Variants in DCBLD2 observed in about 807,000 individuals in gnomAD.
DCBLD2 encodes discoidin, CUB and LCCL domain containing 2, also known as discoidin, CUB and LCCL domain-containing protein 2.
Under a neutral mutation model 86.8 loss-of-function variants are expected in DCBLD2, and 54 were observed. The ratio of observed to expected loss-of-function variants is 0.62; its 90% CI spans 0.50 to 0.78. DCBLD2 has a LOEUF of 0.78. Among genes scored for constraint, DCBLD2 ranks in the 30% least tolerant of loss-of-function variants. The pLI is 0.00. For missense variants in DCBLD2, 908 were observed against 954.2 expected, an observed-to-expected ratio of 0.95 and a Z score of 0.64; for synonymous variants, 354 against 341.3, an observed-to-expected ratio of 1.04 and a Z score of -0.41.
intron 9 of DCBLD2, 87 bp from the exon 10 acceptor site, chr3:98,812,569 C>T: frequency 3.3e-6 from 4 of 1,197,286 alleles, no homozygotes; most frequent in Non-Finnish European, 4.6e-6. Context: ...TTGTTCTTTG[C>T]TCTAGGCCTT....
At chr3:98,848,436 T>C (rs1218227311) in intron 3 of DCBLD2, among the ~76,000 whole-genome samples, 1 of 152,230 alleles carries the variant, frequency 6.6e-6, no homozygotes, top group Non-Finnish European at 1.5e-5. Context: ...AACATACACA[T>C]GCTTATGTCT....
In DCBLD2 at chr3:98,796,893, A is replaced by T. The variant is rs983400187; in HGVS notation, c.*2479T>A. 1 of 152,606 alleles carries T rather than the reference A, an allele frequency of 6.6e-6. No individual in the cohort carries two copies. The highest frequency in any genetic ancestry group is 1.5e-5 in the Non-Finnish European group (1 of 68,024). The allele number at this position is 152,606 out of a possible 1,614,324, so 9.5% of individuals were successfully genotyped here. On this transcript the variant is annotated 3_prime_UTR_variant, in exon 16 of 16. Transcript: ENST00000326840. ...CATTAACAGGAAAAAACTTAATCCA[A>T]TATACCAGTGACTTTGAGTCTTAAA...
At chr3:98,852,729 G>A (rs1942862853) in intron 2 of DCBLD2, among the ~76,000 whole-genome samples, 1 of 152,202 alleles carries the variant, frequency 6.6e-6, no homozygotes, top group Non-Finnish European at 1.5e-5. Context: ...CAGGTGGCCT[G>A]GAAGAATGCA....
At chr3:98,882,774 G>A (rs1287458272) in intron 1 of DCBLD2, among the ~76,000 whole-genome samples, 1 of 152,164 alleles carries the variant, frequency 6.6e-6, no homozygotes, top group African/African-American at 2.4e-5. Context: ...TGGCTGCATA[G>A]TATTCCATGG....
chr3:98,835,938 CTTT>C (rs66958811), intron 3 of DCBLD2, among the ~76,000 whole-genome samples: 4 of 115,074 alleles, frequency 3.5e-5, no homozygotes, highest in South Asian at 6.0e-4. Context: ...TCCTTTCTTT[CTTT>C]TTTTTTTTTT....
chr3:98,804,903 G>A (rs1430293497), intron 13 of DCBLD2: 1 of 152,276 alleles, frequency 6.6e-6, no homozygotes, highest in Non-Finnish European at 1.5e-5. Context: ...ACTGTGGTCT[G>A]AGAGACAGTT....
chr3:98,857,429 C>A (rs1942954007), intron 2 of DCBLD2, among the ~76,000 whole-genome samples: 1 of 151,938 alleles, frequency 6.6e-6, no homozygotes, highest in African/African-American at 2.4e-5. Flanking sequence ...CTGGCCCAAC[C>A]CACATTCTGC....
intron 1 of DCBLD2, among the ~76,000 whole-genome samples, chr3:98,894,842 TATG>T (rs1440145358): frequency 2.6e-5 from 4 of 152,082 alleles, no homozygotes; most frequent in African/African-American, 9.7e-5. Context: ...TGACAGACAC[TATG>T]ATAAGTATTA....
chr3:98,852,251 T>A (rs34224684), intron 2 of DCBLD2, among the ~76,000 whole-genome samples: 1 of 652 alleles, frequency 1.5e-3, no homozygotes, highest in African/African-American at 1.6e-3. Context: ...GGATATTTCT[T>A]TTTTTTTTTT....
At chr3:98,879,225 T>C (rs1414910953) in intron 2 of DCBLD2, among the ~76,000 whole-genome samples, 2 of 152,214 alleles carry the variant, frequency 1.3e-5, no homozygotes, top group African/African-American at 4.8e-5. Flanking sequence ...GTTTCTCCTA[T>C]CCTTCTCCCT....
At chr3:98,804,941 G>A (rs1015107231) in intron 13 of DCBLD2, 25 of 152,294 alleles carry the variant, frequency 1.6e-4, no homozygotes, top group African/African-American at 5.6e-4. Context: ...TGTTACATTT[G>A]CTGATGAGTG....
chr3:98,881,710 T>C lies in DCBLD2; in HGVS notation c.263A>G (p.Asn88Ser), dbSNP rs1000899770. Reference protein sequence around the residue: ...GPESGTLTSINYPQTYPNSTV... With the variant: ...GPESGTLTSISYPQTYPNSTV... ...GCTGTTGGGATAGGTCTGTGGGTAG[T>C]TTATGGATGTAAGGGTTCCACTCTC... The change falls in exon 2 of 16, where the codon AAC becomes AGC. Residue 88 changes from asparagine (N) to serine (S), a missense_variant. By Grantham distance (46) the Asn-to-Ser change is conservative. Transcript: ENST00000326840. 1 of 1,613,944 alleles carries C rather than the reference T, an allele frequency of 6.2e-7. No homozygotes were observed.
chr3:98,805,951 C>G (rs889274650), intron 13 of DCBLD2, among the ~76,000 whole-genome samples: 5 of 152,150 alleles, frequency 3.3e-5, no homozygotes, highest in African/African-American at 1.2e-4. Flanking sequence ...TCCCCTCTGC[C>G]CATGTACTAG....
intron 1 of DCBLD2, among the ~76,000 whole-genome samples, chr3:98,892,461 C>A (rs977807254): frequency 2.0e-5 from 3 of 152,074 alleles, no homozygotes; most frequent in Non-Finnish European, 4.4e-5. Flanking sequence ...AGGGTGGGTA[C>A]TGAATCACAC....
intron 2 of DCBLD2, among the ~76,000 whole-genome samples, chr3:98,857,730 G>C (rs535632788): frequency 1.8e-4 from 27 of 152,016 alleles, no homozygotes; most frequent in Middle Eastern, 3.4e-3. Context: ...GTCCCCACTA[G>C]AGTAGCTAGA....
intron 4 of DCBLD2, among the ~76,000 whole-genome samples, chr3:98,824,678 G>A (rs1004393343): frequency 1.3e-5 from 2 of 152,104 alleles, no homozygotes; most frequent in Non-Finnish European, 2.9e-5. Context: ...TCAATATGGA[G>A]AACATAAGAT....
intron 13 of DCBLD2, among the ~76,000 whole-genome samples, chr3:98,804,189 G>A (rs1941786025): frequency 6.6e-6 from 1 of 152,210 alleles, no homozygotes; most frequent in South Asian, 2.1e-4. Flanking sequence ...ACTTTTTTTG[G>A]TTGGTAGGCT....
At chr3:98,847,858 T>C (rs1285131014) in intron 3 of DCBLD2, among the ~76,000 whole-genome samples, 1 of 152,204 alleles carries the variant, frequency 6.6e-6, no homozygotes, top group Non-Finnish European at 1.5e-5. Flanking sequence ...TACCCCTATA[T>C]AGCAGGGGGA....
At chr3:98,826,427 TG>T (rs961430910) in intron 3 of DCBLD2, among the ~76,000 whole-genome samples, 1 of 152,246 alleles carries the variant, frequency 6.6e-6, no homozygotes, top group African/African-American at 2.4e-5. Context: ...TCAGCTTCAC[TG>T]CCACTTCCTC....
Sources: gnomAD v4.1 joint callset for allele counts (sites outside exome capture counted in the v4.1 genomes callset) on GRCh38, gnomAD v4.1.1 for gene constraint, MANE v1.5 for transcripts, NCBI Gene and HGNC (gene_info 2026-07-23, HGNC 2026-07-21) for gene names.